The following FHIT variants were observed in gnomAD, a reference collection of about 807,000 sequenced individuals.
FHIT encodes the protein fragile histidine triad diadenosine triphosphatase.
A neutral mutation model predicts 17.9 loss-of-function variants in FHIT; 19 were observed. The observed-to-expected ratio is 1.06, with a 90% CI of 0.74 to 1.56. The LOEUF (loss-of-function observed/expected upper bound fraction) is 1.56, where lower values mean the gene tolerates loss of function less well. Ranked by LOEUF, FHIT falls within the 40% of genes most tolerant of loss-of-function variation. The pLI, the probability that FHIT is intolerant of heterozygous loss-of-function variation, is 0.00. For synonymous variants in FHIT, 81 were observed against 69.7 expected, an observed-to-expected ratio of 1.16 and a Z score of -0.81; for missense variants, 248 against 189.2, an observed-to-expected ratio of 1.31 and a Z score of -1.82.
intron 5 of FHIT, among the ~76,000 whole-genome samples, chr3:60,143,113 G>C (rs897805161): frequency 6.6e-6 from 1 of 152,168 alleles, no homozygotes; most frequent in Non-Finnish European, 1.5e-5. Context: ...CAGAAAGAGA[G>C]AGTACAGTGA....
In FHIT at chr3:60,722,478, T is replaced by C. The variant is rs117685017; in HGVS notation, c.-18+99441A>G. 2.2e-4 allele frequency among the ~76,000 whole-genome samples: 33 copies of C among 152,306 alleles called. No individual in the cohort carries two copies. In the East Asian group the frequency reaches 6.2e-3, roughly 29 times the overall value. On this transcript the variant is annotated intron_variant, in intron 4 of 9. Coordinates refer to ENST00000492590, the MANE Select transcript of FHIT (RefSeq NM_002012.4). The stretch of plus-strand genomic sequence containing the variant: ...CTTAAGCTGCACTATAAATATTCTC[T>C]AAGGCAGGATTTCTCAACCTTGGCA...
chr3:60,776,217 T>C (rs1553724415), intron 4 of FHIT, among the ~76,000 whole-genome samples: 1 of 152,144 alleles, frequency 6.6e-6, no homozygotes, highest in Non-Finnish European at 1.5e-5. Context: ...CCCTGTAAGA[T>C]TCAATGTCTG....
Position 59,747,677 on chromosome 3 carries a change from G to T in FHIT, c.*1908C>A, listed in dbSNP as rs1390469889. Among the ~76,000 whole-genome samples the T allele has an allele frequency of 1.3e-5, 2 of 152,118 alleles. No individual in the cohort carries two copies. Among genetic ancestry groups the T allele is most frequent in the East Asian group, 3.9e-4 (2 of 5,174 alleles). On this transcript the variant is annotated 3_prime_UTR_variant, in exon 10 of 10. Coordinates refer to ENST00000492590, the MANE Select transcript of FHIT (RefSeq NM_002012.4). ...TTGCAACCTGTTGGTTTTCAAGACA[G>T]ACTGTCGGCAAGCAAAATGTCAGAG...
chr3:60,476,054 T>C (rs556432316), intron 5 of FHIT, among the ~76,000 whole-genome samples: 10 of 152,280 alleles, frequency 6.6e-5, no homozygotes, highest in African/African-American at 2.4e-4. Context: ...ATAGTAACTG[T>C]GACCCCAAAG....
chr3:60,548,643 G>A (rs2036448702), intron 4 of FHIT, among the ~76,000 whole-genome samples: 1 of 152,108 alleles, frequency 6.6e-6, no homozygotes, highest in African/African-American at 2.4e-5. Context: ...CCTCTAAGTA[G>A]CAACAACAGC....
At position 60,199,930 on chromosome 3, in the gene FHIT, T is replaced by C. The variant is rs569597704; in HGVS notation, c.104-185778A>G. Among the ~76,000 whole-genome samples the C allele has an allele frequency of 6.6e-5, 10 of 152,236 alleles. No individual in the cohort carries two copies. The South Asian group carries it at 2.1e-3, about 32-fold the overall frequency. ...CAGTATACAATATAACTCCATTGCC[T>C]TAACTGAGATGACAGACACTAATAT... On this transcript the variant is annotated intron_variant, in intron 5 of 9. Coordinates refer to ENST00000492590, the MANE Select transcript of FHIT (RefSeq NM_002012.4).
At chr3:60,282,784 T>C (rs1220717289) in intron 5 of FHIT, among the ~76,000 whole-genome samples, 1 of 152,122 alleles carries the variant, frequency 6.6e-6, no homozygotes. Flanking sequence ...GTATTTTAAT[T>C]TTATTTTAAA....
chr3:59,786,559 C>G lies in FHIT; in HGVS notation c.349-34238G>C, dbSNP rs749704490. Among the ~76,000 whole-genome samples the G allele has an allele frequency of 2.6e-5, 4 of 152,304 alleles. No homozygotes were observed. In the South Asian group the frequency reaches 8.3e-4, roughly 32 times the overall value. On this transcript the variant is annotated intron_variant, in intron 8 of 9. Coordinates refer to ENST00000492590, the MANE Select transcript of FHIT (RefSeq NM_002012.4). ...AATACTACGGTAATGTGGAATAATG[C>G]TTTCAACTGTTGCCAGGGTGAGCAT...
At chr3:60,190,962 T>C (rs1050998702) in intron 5 of FHIT, among the ~76,000 whole-genome samples, 1 of 151,540 alleles carries the variant, frequency 6.6e-6, no homozygotes, top group African/African-American at 2.4e-5. Context: ...CTAAGGGAGA[T>C]TTTGAAGTTG....
chr3:60,862,554 G>T (rs1703961086), intron 3 of FHIT, among the ~76,000 whole-genome samples: 4 of 152,040 alleles, frequency 2.6e-5, no homozygotes, highest in Admixed American at 6.6e-5. Flanking sequence ...GTCCCTGCAG[G>T]ATTCCCATCC....
chr3:59,792,155 T>C (rs1699591817), intron 8 of FHIT, among the ~76,000 whole-genome samples: 1 of 152,208 alleles, frequency 6.6e-6, no homozygotes, highest in East Asian at 1.9e-4. Flanking sequence ...AAATTGTTCA[T>C]AAGTCCCTTA....
chr3:59,936,799 T>G (rs945278862), intron 7 of FHIT, among the ~76,000 whole-genome samples: 1 of 152,176 alleles, frequency 6.6e-6, no homozygotes, highest in Non-Finnish European at 1.5e-5. Context: ...CACTTCCTAA[T>G]TATCTCACTA....
At chr3:60,212,891 G>A (rs1437090483) in intron 5 of FHIT, among the ~76,000 whole-genome samples, 1 of 152,164 alleles carries the variant, frequency 6.6e-6, no homozygotes, top group Non-Finnish European at 1.5e-5. Context: ...TTGTTCCTGA[G>A]GATGTTCCAA....
intron 4 of FHIT, among the ~76,000 whole-genome samples, chr3:60,750,081 A>C (rs904796722): frequency 1.3e-5 from 2 of 152,136 alleles, no homozygotes; most frequent in Admixed American, 6.5e-5. Flanking sequence ...GATCAAAGGC[A>C]TGTTGCCTCA....
intron 1 of FHIT, among the ~76,000 whole-genome samples, chr3:61,206,630 G>T (rs1044247232): frequency 3.3e-5 from 5 of 152,078 alleles, no homozygotes; most frequent in African/African-American, 1.2e-4. Flanking sequence ...GTCTGTTATT[G>T]GTGTAAAGGA....
In FHIT at chr3:60,491,268, C is replaced by T. The variant is rs972106703; in HGVS notation, c.103+45592G>A. Among the ~76,000 whole-genome samples the T allele has an allele frequency of 3.3e-5, 5 of 151,912 alleles. No individual in the cohort carries two copies. In the East Asian group the frequency reaches 5.8e-4, roughly 18 times the overall value. ...CAAGACAAAATAGAGTCAACCAAACCGATGTAGTTTCTCTCTCCACACACC... is the reference window on the plus strand; with the variant it reads ...CAAGACAAAATAGAGTCAACCAAACTGATGTAGTTTCTCTCTCCACACACC... On this transcript the variant is annotated intron_variant, in intron 5 of 9. Transcript: ENST00000492590.
chr3:59,879,228 A>G (rs1335464156), intron 8 of FHIT, among the ~76,000 whole-genome samples: 1 of 152,214 alleles, frequency 6.6e-6, no homozygotes, highest in Non-Finnish European at 1.5e-5. Context: ...TATACTTGTT[A>G]TCATGAAAAA....
chr3:59,787,684 C>G (rs1173738916), intron 8 of FHIT, among the ~76,000 whole-genome samples: 1 of 152,156 alleles, frequency 6.6e-6, no homozygotes, highest in Non-Finnish European at 1.5e-5. Flanking sequence ...TGCCAGGAAT[C>G]AAGGGAAGCA....
At chr3:60,859,907 G>A (rs1446284711) in intron 3 of FHIT, among the ~76,000 whole-genome samples, 1 of 150,340 alleles carries the variant, frequency 6.7e-6, no homozygotes, top group Non-Finnish European at 1.5e-5. Context: ...AGCCAGGTGT[G>A]GTGGCACGTG....
Sources: allele counts gnomAD v4.1 joint callset (sites outside exome capture counted in the v4.1 genomes callset), GRCh38; gene constraint gnomAD v4.1.1; transcripts MANE v1.5; gene names NCBI Gene and HGNC (gene_info 2026-07-23, HGNC 2026-07-21).